CDH18: variants seen among roughly 807,000 people sequenced by gnomAD.
CDH18 encodes the protein cadherin 18.
Under a neutral mutation model 67.9 loss-of-function variants are expected in CDH18, and 31 were observed. That is an observed-to-expected ratio of 0.46 (90% CI 0.34 to 0.62). CDH18 has a LOEUF of 0.62. Among genes scored for constraint, CDH18 ranks in the 20% least tolerant of loss-of-function variants. CDH18 has a pLI of 0.01. For missense variants in CDH18, 890 were observed against 975.5 expected, an observed-to-expected ratio of 0.91 and a Z score of 1.17; for synonymous variants, 362 against 347.2, an observed-to-expected ratio of 1.04 and a Z score of -0.48.
At chr5:20,291,258 A>C (rs1191482927) in intron 1 of CDH18, among the ~76,000 whole-genome samples, 1 of 152,148 alleles carries the variant, frequency 6.6e-6, no homozygotes, top group Non-Finnish European at 1.5e-5. Context: ...TCTATTAGCA[A>C]ATAGATGATA....
At chr5:19,953,852 T>C (rs11740306) in intron 2 of CDH18, among the ~76,000 whole-genome samples, 64,807 of 151,788 alleles carry the variant, frequency 0.43, 16,146 homozygotes, top group Middle Eastern at 0.66. Flanking sequence ...GTGTGTTATC[T>C]GTATGGGGAG....
At chr5:19,928,713 C>G (rs1395159558) in intron 2 of CDH18, among the ~76,000 whole-genome samples, 1 of 152,116 alleles carries the variant, frequency 6.6e-6, no homozygotes, top group Admixed American at 6.6e-5. Flanking sequence ...GGGAAGAAAA[C>G]AGCCCAGAGT....
At chr5:20,196,612 G>A (rs954584220) in intron 2 of CDH18, among the ~76,000 whole-genome samples, 18 of 152,128 alleles carry the variant, frequency 1.2e-4, no homozygotes, top group Non-Finnish European at 4.4e-5. Flanking sequence ...TACCAATAAA[G>A]GGGGATTCAA....
intron 5 of CDH18, among the ~76,000 whole-genome samples, chr5:19,684,805 A>G (rs568058932): frequency 6.6e-6 from 1 of 152,258 alleles, no homozygotes; most frequent in Non-Finnish European, 1.5e-5. Flanking sequence ...TGAAGTTTCG[A>G]GAGGTAGATC....
rs114816475 is a variant in CDH18 at position 19,629,000 on chromosome 5, G to A, written c.644-16399C>T. ...CAAGGGATAGAAATTGTTCCCTTGCGATAAATGCTGTTGCTAAGTAAAGTA... is the reference window on the plus strand; with the variant it reads ...CAAGGGATAGAAATTGTTCCCTTGCAATAAATGCTGTTGCTAAGTAAAGTA... On this transcript the variant is annotated intron_variant, in intron 5 of 12. Transcript: ENST00000382275. 6.3e-3 allele frequency among the ~76,000 whole-genome samples: 964 copies of A among 152,202 alleles called. 10 individuals carry two copies. Among genetic ancestry groups the A allele is most frequent in the African/African-American group, 0.022 (922 of 41,546 alleles).
At chr5:19,805,650 C>G (rs1257190697) in intron 3 of CDH18, among the ~76,000 whole-genome samples, 1 of 152,186 alleles carries the variant, frequency 6.6e-6, no homozygotes, top group Non-Finnish European at 1.5e-5. Flanking sequence ...ATGCCCTTTA[C>G]TCATCAGTCC....
chr5:19,902,594 G>A (rs1790060079), intron 2 of CDH18, among the ~76,000 whole-genome samples: 1 of 151,454 alleles, frequency 6.6e-6, no homozygotes, highest in Non-Finnish European at 1.5e-5. Context: ...TCCAGCCAAC[G>A]GCAATCTTGT....
intron 2 of CDH18, among the ~76,000 whole-genome samples, chr5:20,248,628 G>C (rs1743568872): frequency 6.6e-6 from 1 of 152,112 alleles, no homozygotes; most frequent in African/African-American, 2.4e-5. Context: ...TTTTTACCAG[G>C]TTCAAACCAA....
At chr5:20,468,582 C>T (rs1751830073) in intron 1 of CDH18, among the ~76,000 whole-genome samples, 1 of 152,132 alleles carries the variant, frequency 6.6e-6, no homozygotes, top group South Asian at 2.1e-4. Flanking sequence ...GCTTTTTCTA[C>T]ATTTCCCAAT....
intron 3 of CDH18, among the ~76,000 whole-genome samples, chr5:19,748,129 A>AAAAAAAAAAAAAAAAAAAAAAAAAT (rs1561215737): frequency 6.9e-6 from 1 of 145,004 alleles, no homozygotes; most frequent in Non-Finnish European, 1.5e-5. Context: ...AAAAAAAAAA[A>AAAAAAAAAAAAAAAAAAAAAAAAAT]AAAAGAGTAC....
intron 5 of CDH18, among the ~76,000 whole-genome samples, chr5:19,698,983 C>T (rs1762879438): frequency 1.3e-5 from 2 of 152,206 alleles, no homozygotes; most frequent in African/African-American, 4.8e-5. Flanking sequence ...ATAATTGAGT[C>T]CCCATCCTTT....
intron 1 of CDH18, among the ~76,000 whole-genome samples, chr5:20,310,199 T>C (rs887049056): frequency 6.6e-6 from 1 of 152,206 alleles, no homozygotes; most frequent in South Asian, 2.1e-4. Context: ...AACTCATTTT[T>C]CTCCTTTATT....
chr5:19,644,550 T>C (rs1754464532), intron 5 of CDH18, among the ~76,000 whole-genome samples: 1 of 152,194 alleles, frequency 6.6e-6, no homozygotes, highest in African/African-American at 2.4e-5. Flanking sequence ...CTTCCCCTTG[T>C]ACAGTGGAGC....
At chr5:20,367,694 CAT>C (rs1318878167) in intron 1 of CDH18, among the ~76,000 whole-genome samples, 1 of 152,186 alleles carries the variant, frequency 6.6e-6, no homozygotes, top group Non-Finnish European at 1.5e-5. Context: ...AAAACAAGAA[CAT>C]GTGGTAAATT....
At chr5:19,817,305 G>A (rs1779394181) in intron 3 of CDH18, among the ~76,000 whole-genome samples, 1 of 151,864 alleles carries the variant, frequency 6.6e-6, no homozygotes, top group African/African-American at 2.4e-5. Context: ...TATGGAGGAG[G>A]CTCTAGTGAT....
intron 1 of CDH18, among the ~76,000 whole-genome samples, chr5:20,461,957 A>G (rs751539504): frequency 6.6e-6 from 1 of 152,170 alleles, no homozygotes; most frequent in Non-Finnish European, 1.5e-5. Flanking sequence ...AAAACAGTAT[A>G]AAGATTTCTG....
intron 1 of CDH18, among the ~76,000 whole-genome samples, chr5:20,553,833 A>C (rs1165646733): frequency 6.6e-6 from 1 of 152,140 alleles, no homozygotes; most frequent in African/African-American, 2.4e-5. Context: ...TTCTATACAT[A>C]GTATCTTTCT....
At chr5:20,484,855 T>A (rs1427387016) in intron 1 of CDH18, among the ~76,000 whole-genome samples, 5 of 151,858 alleles carry the variant, frequency 3.3e-5, no homozygotes, top group Non-Finnish European at 7.4e-5. Context: ...ATAGAATGAG[T>A]AAGATCTAGT....
At chr5:19,688,710 C>T (rs1475729432) in intron 5 of CDH18, among the ~76,000 whole-genome samples, 1 of 151,498 alleles carries the variant, frequency 6.6e-6, no homozygotes, top group African/African-American at 2.4e-5. Context: ...GTATGAAATG[C>T]CAGAAAAAAG....
Sources: gnomAD v4.1 joint callset for allele counts (sites outside exome capture counted in the v4.1 genomes callset) on GRCh38, gnomAD v4.1.1 for gene constraint, MANE v1.5 for transcripts, NCBI Gene and HGNC (gene_info 2026-07-23, HGNC 2026-07-21) for gene names.